Variants in DUSP11 observed in about 807,000 individuals in gnomAD.
The protein encoded by DUSP11 is dual specificity phosphatase 11.
In DUSP11, 27 loss-of-function variants were observed where a neutral mutation model predicts 41.4. The ratio of observed to expected loss-of-function variants is 0.65; its 90% CI spans 0.48 to 0.90. The LOEUF (loss-of-function observed/expected upper bound fraction) is 0.90. Ranked by LOEUF, DUSP11 falls within the 40% of genes least tolerant of loss-of-function variation. The pLI, the probability that DUSP11 is intolerant of heterozygous loss-of-function variation, is 0.00. For missense variants in DUSP11, 465 were observed against 461.1 expected (o/e 1.01, Z -0.08); for synonymous variants, 188 against 159.3 (o/e 1.18, Z -1.35).
intron 2 of DUSP11, among the ~76,000 whole-genome samples, chr2:73,777,064 T>C (rs1234254170): frequency 3.3e-5 from 5 of 152,198 alleles, no homozygotes; most frequent in Non-Finnish European, 7.3e-5. Context: ...CACTGCAGCC[T>C]TGACCTCCTG....
intron 1 of DUSP11, 43 bp from the exon 2 acceptor site, chr2:73,778,419 T>C: frequency 7.7e-7 from 1 of 1,297,584 alleles, no homozygotes; most frequent in South Asian, 1.5e-5. Context: ...ATGTTAGCCT[T>C]GTTTCCTTGC....
exon 1 of DUSP11, chr2:73,779,940 C>T (rs1672759711): frequency 6.2e-7 from 1 of 1,614,116 alleles, no homozygotes; most frequent in Admixed American, 1.7e-5. Context: ...GCGTCTCCGG[C>T]CCCAGCCACT....
chr2:73,779,100 G>A (rs1183258965), intron 1 of DUSP11, among the ~76,000 whole-genome samples: 2 of 152,176 alleles, frequency 1.3e-5, no homozygotes, highest in East Asian at 3.8e-4. Flanking sequence ...GCAGTGAGCC[G>A]AGATTGGACC....
chr2:73,773,443 T>G (rs978126891), intron 4 of DUSP11: 1 of 369,348 alleles, frequency 2.7e-6, no homozygotes, highest in African/African-American at 2.2e-5. Context: ...TTCTTGTCTC[T>G]TTCACATAAC....
chr2:73,780,078 C>G, exon 1 of DUSP11: 2 of 1,586,986 alleles, frequency 1.3e-6, no homozygotes, highest in South Asian at 1.1e-5. Context: ...GACTCGGCAG[C>G]CACCTACGCC....
chr2:73,762,877 A>C lies in DUSP11; in HGVS notation c.936-18T>G, dbSNP rs558858054. On this transcript the variant is annotated intron_variant, in intron 8 of 8. Transcript: ENST00000272444. ...AAAATTTTCTTAAAGCAAAACAAAAAGTAATAAGCCATTACTAGGATTAAT... is the reference window on the plus strand; with the variant it reads ...AAAATTTTCTTAAAGCAAAACAAAACGTAATAAGCCATTACTAGGATTAAT... The C allele has an allele frequency of 6.9e-7, 1 of 1,444,092 alleles. No individual in the cohort carries two copies. Among genetic ancestry groups the C allele is most frequent in the East Asian group, 2.4e-5 (1 of 42,448 alleles). The allele number at this position is 1,444,092 out of a possible 1,614,324, so 89.5% of individuals were successfully genotyped here.
At chr2:73,774,099 G>A (rs1672635642) in intron 3 of DUSP11, among the ~76,000 whole-genome samples, 176 bp from the exon 4 acceptor site, 5 of 152,166 alleles carry the variant, frequency 3.3e-5, no homozygotes, top group African/African-American at 1.2e-4. Context: ...CAACCAGGAA[G>A]TATCACTTGA....
At chr2:73,770,164 G>A (rs895906182) in intron 4 of DUSP11, among the ~76,000 whole-genome samples, 1 of 149,988 alleles carries the variant, frequency 6.7e-6, no homozygotes, top group Non-Finnish European at 1.5e-5. Flanking sequence ...GTATTGTGGC[G>A]GGAGCCTATA....
chr2:73,772,333 G>A (rs897739718), intron 4 of DUSP11, among the ~76,000 whole-genome samples: 1 of 152,072 alleles, frequency 6.6e-6, no homozygotes, highest in Non-Finnish European at 1.5e-5. Context: ...TTTTATCAGT[G>A]AGCCTGTTAT....
chr2:73,768,591 T>C (rs867954115), intron 5 of DUSP11: 3 of 985,434 alleles, frequency 3.0e-6, no homozygotes, highest in Middle Eastern at 5.2e-4. Flanking sequence ...ACTACTTCAA[T>C]GTTTTATAAT....
chr2:73,780,028 C>T (rs1672761990), exon 1 of DUSP11: 4 of 1,613,998 alleles, frequency 2.5e-6, no homozygotes, highest in Non-Finnish European at 3.4e-6. Flanking sequence ...AGCGCCAGTC[C>T]GGCGCCCTCA....
chr2:73,770,151 T>C (rs1248021485), intron 4 of DUSP11, among the ~76,000 whole-genome samples: 1 of 140,714 alleles, frequency 7.1e-6, no homozygotes, highest in Non-Finnish European at 1.5e-5. Context: ...AAAAATTAGC[T>C]GGGTATTGTG....
At chr2:73,763,767 A>AC (rs923760213) in intron 8 of DUSP11, among the ~76,000 whole-genome samples, 5 of 151,158 alleles carry the variant, frequency 3.3e-5, no homozygotes, top group African/African-American at 1.2e-4. Flanking sequence ...GAAAAGAAAA[A>AC]CCCCCCACTG....
At chr2:73,775,751 G>A (rs1672668691) in intron 2 of DUSP11, among the ~76,000 whole-genome samples, 1 of 150,262 alleles carries the variant, frequency 6.7e-6, no homozygotes, top group Non-Finnish European at 1.5e-5. Flanking sequence ...GCTACCGGGA[G>A]GCTGAGGCAG....
intron 2 of DUSP11, among the ~76,000 whole-genome samples, chr2:73,775,863 T>TAAAAAAA (rs1558535250): frequency 9.9e-5 from 10 of 101,502 alleles, no homozygotes; most frequent in East Asian, 2.9e-4. Context: ...AAAAAAAAAT[T>TAAAAAAA]TAAAAAAAAA....
chr2:73,767,175 T>G, exon 6 of DUSP11: 1 of 1,612,744 alleles, frequency 6.2e-7, no homozygotes, highest in Non-Finnish European at 8.5e-7. Flanking sequence ...AATTGCATCA[T>G]CTGGCCTCAC....
chr2:73,775,279 C>G (rs1048318932), intron 2 of DUSP11, among the ~76,000 whole-genome samples: 1 of 151,972 alleles, frequency 6.6e-6, no homozygotes, highest in African/African-American at 2.4e-5. Context: ...GTCTCCTAAT[C>G]AGACTGTAAT....
In DUSP11 at chr2:73,779,125, T is replaced by C. The variant is rs146638151; in HGVS notation, c.242+749A>G. On this transcript the variant is annotated intron_variant, in intron 1 of 8. Transcript: ENST00000272444. ...GAGATTGGACCATTGCACTCCAGCCTGGCGGAGAAGAGCAAAAATCCATCC... is the reference window on the plus strand; with the variant it reads ...GAGATTGGACCATTGCACTCCAGCCCGGCGGAGAAGAGCAAAAATCCATCC... Among the ~76,000 whole-genome samples, 345 of 152,290 alleles carry C rather than the reference T, an allele frequency of 2.3e-3. 2 individuals carry two copies. Among genetic ancestry groups the C allele is most frequent in the African/African-American group, 8.0e-3 (331 of 41,548 alleles).
At chr2:73,767,133 GA>G in intron 6 of DUSP11, 27 bp downstream of exon 6, 2 of 1,588,266 alleles carry the variant, frequency 1.3e-6, no homozygotes, top group Non-Finnish European at 1.7e-6. Context: ...TAATAAAAGG[GA>G]AAAATAGTGT....
Sources: allele counts gnomAD v4.1 joint callset (sites outside exome capture counted in the v4.1 genomes callset), GRCh38; gene constraint gnomAD v4.1.1; transcripts MANE v1.5; gene names NCBI Gene and HGNC (gene_info 2026-07-23, HGNC 2026-07-21).